Variants in XKR6 observed in about 807,000 individuals in gnomAD.
XKR6 encodes XK related 6.
In XKR6, 22 loss-of-function variants were observed where a neutral mutation model predicts 56.7. The observed-to-expected ratio is 0.39, with a 90% CI of 0.28 to 0.55. The LOEUF is 0.55. Ranked by LOEUF, XKR6 falls within the 20% of genes least tolerant of loss-of-function variation. XKR6 has a pLI of 0.66. For missense variants in XKR6, 852 were observed against 889.0 expected, an observed-to-expected ratio of 0.96 and a Z score of 0.53; for synonymous variants, 524 against 387.8, an observed-to-expected ratio of 1.35 and a Z score of -4.13.
At chr8:11,090,481 C>T (rs1472643671) in intron 1 of XKR6, among the ~76,000 whole-genome samples, 1 of 152,020 alleles carries the variant, frequency 6.6e-6, no homozygotes, top group Non-Finnish European at 1.5e-5. Context: ...GCAATGACAC[C>T]AGCAGATGGT....
rs367814814 is a variant in XKR6 at position 11,130,609 on chromosome 8, C to T, written c.764+69967G>A. On this transcript the variant is annotated intron_variant, in intron 1 of 2. Transcript: ENST00000416569. Reference sequence around the variant, plus strand: ...GGCTAAGACGGCCTTTTCTCCCTCGCCGGTTTTTTTTTTTTTTAAGTTAAC... The same window carrying T: ...GGCTAAGACGGCCTTTTCTCCCTCGTCGGTTTTTTTTTTTTTTAAGTTAAC... Among the ~76,000 whole-genome samples the T allele has an allele frequency of 2.1e-4, 32 of 151,408 alleles. No homozygotes were observed. The East Asian group carries it at 3.5e-3, about 17-fold the overall frequency.
intron 1 of XKR6, among the ~76,000 whole-genome samples, chr8:11,083,010 G>C (rs937391878): frequency 6.6e-6 from 1 of 152,194 alleles, no homozygotes; most frequent in African/African-American, 2.4e-5. Context: ...TTCTGCACAG[G>C]CAGCGCACAG....
chr8:11,079,392 A>G (rs140457139), intron 1 of XKR6, among the ~76,000 whole-genome samples: 2 of 152,360 alleles, frequency 1.3e-5, no homozygotes, highest in East Asian at 3.9e-4. Context: ...TGACTTAAGA[A>G]CTGTCCACAG....
chr8:11,136,100 G>A (rs73547429), intron 1 of XKR6, among the ~76,000 whole-genome samples: 7,575 of 152,112 alleles, frequency 0.05, 414 homozygotes, highest in African/African-American at 0.13. Context: ...AAAAACTAGT[G>A]CATCCCACCA....
At chr8:10,976,167 C>T (rs1409991152) in intron 1 of XKR6, among the ~76,000 whole-genome samples, 2 of 150,342 alleles carry the variant, frequency 1.3e-5, no homozygotes, top group African/African-American at 5.0e-5. Context: ...CAGAGCAAGA[C>T]TCCATCTCAA....
At chr8:11,035,663 T>C (rs866353694) in intron 1 of XKR6, among the ~76,000 whole-genome samples, 10 of 152,298 alleles carry the variant, frequency 6.6e-5, no homozygotes, top group African/African-American at 2.2e-4. Context: ...AAGATATTGA[T>C]TACAACAGCT....
intron 1 of XKR6, among the ~76,000 whole-genome samples, chr8:11,116,020 C>T (rs978194656): frequency 2.0e-5 from 3 of 152,184 alleles, no homozygotes; most frequent in African/African-American, 7.2e-5. Context: ...AAGACAAGAA[C>T]TATTGGGAGT....
intron 1 of XKR6, among the ~76,000 whole-genome samples, chr8:11,186,465 C>T (rs1269824832): frequency 6.6e-6 from 1 of 152,222 alleles, no homozygotes; most frequent in Non-Finnish European, 1.5e-5. Context: ...CAGCCTCAAC[C>T]TCCTGGGCTC....
intron 1 of XKR6, among the ~76,000 whole-genome samples, chr8:11,182,860 C>T (rs1803068571): frequency 6.6e-6 from 1 of 152,192 alleles, no homozygotes; most frequent in Admixed American, 6.5e-5. Flanking sequence ...GCCATATTAA[C>T]AGTAACTCCA....
At chr8:11,088,120 A>G (rs2129171892) in intron 1 of XKR6, among the ~76,000 whole-genome samples, 1 of 152,384 alleles carries the variant, frequency 6.6e-6, no homozygotes, top group Middle Eastern at 3.4e-3. Flanking sequence ...AGAAAATTCT[A>G]TTCAGTGTCA....
intron 1 of XKR6, among the ~76,000 whole-genome samples, chr8:11,186,547 T>C (rs1242520199): frequency 6.6e-6 from 1 of 152,182 alleles, no homozygotes; most frequent in Non-Finnish European, 1.5e-5. Flanking sequence ...CCAGCTCATC[T>C]ATTTTTAATT....
intron 1 of XKR6, among the ~76,000 whole-genome samples, chr8:11,081,215 G>T (rs1305291621): frequency 2.0e-5 from 3 of 152,156 alleles, no homozygotes; most frequent in African/African-American, 7.2e-5. Context: ...TGCTTCCACA[G>T]AAAACTAGAA....
chr8:11,125,115 G>A (rs1313418641), intron 1 of XKR6, among the ~76,000 whole-genome samples: 1 of 147,794 alleles, frequency 6.8e-6, no homozygotes, highest in Non-Finnish European at 1.5e-5. Flanking sequence ...AAAAAGAAAA[G>A]AAAAAAAAAG....
At chr8:11,059,637 G>A (rs1487462751) in intron 1 of XKR6, among the ~76,000 whole-genome samples, 1 of 151,062 alleles carries the variant, frequency 6.6e-6, no homozygotes, top group African/African-American at 2.4e-5. Context: ...GGCGCGGGGC[G>A]GGGCGGGACA....
intron 1 of XKR6, among the ~76,000 whole-genome samples, chr8:11,065,819 T>C (rs1160499019): frequency 6.6e-6 from 1 of 152,192 alleles, no homozygotes; most frequent in Admixed American, 6.5e-5. Flanking sequence ...ACACAGCAGC[T>C]GTCCTCAAAT....
intron 1 of XKR6, among the ~76,000 whole-genome samples, chr8:11,114,727 A>ATGTGTGTGTGTG (rs58011023): frequency 3.7e-4 from 44 of 118,368 alleles, no homozygotes; most frequent in Non-Finnish European, 5.0e-4. Context: ...TAGATCACAT[A>ATGTGTGTGTGTG]TGTGTGTGTG....
At chr8:11,049,759 GA>G (rs1396575066) in intron 1 of XKR6, among the ~76,000 whole-genome samples, 1 of 151,920 alleles carries the variant, frequency 6.6e-6, no homozygotes, top group African/African-American at 2.4e-5. Context: ...GAAAGAAGAA[GA>G]AAAAAAAGTT....
At chr8:11,076,869 T>C (rs1186624513) in intron 1 of XKR6, among the ~76,000 whole-genome samples, 1 of 152,200 alleles carries the variant, frequency 6.6e-6, no homozygotes, top group Non-Finnish European at 1.5e-5. Context: ...GTTTGATTCC[T>C]TCGTCCATTC....
chr8:11,016,208 CG>C (rs113291871), intron 1 of XKR6, among the ~76,000 whole-genome samples: 1 of 152,206 alleles, frequency 6.6e-6, no homozygotes, highest in Non-Finnish European at 1.5e-5. Flanking sequence ...GCCCCGTCCC[CG>C]GGCGGGACCT....
Sources: allele counts gnomAD v4.1 joint callset (sites outside exome capture counted in the v4.1 genomes callset), GRCh38; gene constraint gnomAD v4.1.1; transcripts MANE v1.5; gene names NCBI Gene and HGNC (gene_info 2026-07-23, HGNC 2026-07-21).